The following MPDZ variants were observed in gnomAD, a reference collection of about 807,000 sequenced individuals.
MPDZ encodes multiple PDZ domain crumbs cell polarity complex component.
A neutral mutation model predicts 239.1 loss-of-function variants in MPDZ; 234 were observed. The ratio of observed to expected loss-of-function variants is 0.98; its 90% CI spans 0.88 to 1.09. The LOEUF (loss-of-function observed/expected upper bound fraction) is 1.09. Ranked by LOEUF, MPDZ falls within the 50% of genes least tolerant of loss-of-function variation. The pLI is 0.00. For missense variants in MPDZ, 3,175 were observed against 2,510.0 expected, an observed-to-expected ratio of 1.26 and a Z score of -5.66; for synonymous variants, 1,048 against 881.3, an observed-to-expected ratio of 1.19 and a Z score of -3.35.
chr9:13,137,927 A>C, intron 29 of MPDZ, 30 bp downstream of exon 29: 1 of 1,608,878 alleles, frequency 6.2e-7, no homozygotes, highest in Non-Finnish European at 8.5e-7. Flanking sequence ...TAAAACAAGA[A>C]TAAATTCAAA....
In MPDZ at chr9:13,175,067, G is replaced by A. The variant is rs1298528892; in HGVS notation, c.3055+685C>T. 2.0e-5 allele frequency among the ~76,000 whole-genome samples: 3 copies of A among 152,146 alleles called. No homozygotes were observed. The East Asian group carries it at 5.8e-4, about 29-fold the overall frequency. On this transcript the variant is annotated intron_variant, in intron 21 of 46. Transcript: ENST00000319217. ...CTTGGGCTGCATTTGGACACTCAGAGCAACTCATCTACCATTCTATTTATC... is the reference window on the plus strand; with the variant it reads ...CTTGGGCTGCATTTGGACACTCAGAACAACTCATCTACCATTCTATTTATC...
intron 3 of MPDZ, 57 bp downstream of exon 3, chr9:13,247,578 C>T: frequency 6.5e-7 from 1 of 1,538,102 alleles, no homozygotes; most frequent in South Asian, 1.2e-5. Flanking sequence ...AAAACACAAG[C>T]CTTTCACAAG....
Position 13,183,347 on chromosome 9 carries a change from A to G in MPDZ, c.2649+71T>C. The G allele has an allele frequency of 1.6e-6, 2 of 1,267,994 alleles. 1 individual carries two copies. Among genetic ancestry groups the G allele is most frequent in the Admixed American group, 5.5e-5 (2 of 36,648 alleles). 78.5% of individuals were successfully genotyped at this position (1,267,994 alleles called of 1,614,324 possible). A position where few individuals can be genotyped will look rare whatever the true frequency, so the allele number is the denominator to read the frequency against. Reference sequence around the variant, plus strand: ...CAATATGTTATTCCCACAACTCCCCATAAGGACTGAGCTCTGGAAAATTAC... The same window carrying G: ...CAATATGTTATTCCCACAACTCCCCGTAAGGACTGAGCTCTGGAAAATTAC... On this transcript the variant is annotated intron_variant, in intron 19 of 46. Transcript: ENST00000319217.
At chr9:13,249,136 A>G (rs1408573660) in intron 2 of MPDZ, among the ~76,000 whole-genome samples, 3 of 149,234 alleles carry the variant, frequency 2.0e-5, no homozygotes, top group Non-Finnish European at 4.5e-5. Flanking sequence ...ACACACACAC[A>G]CAAACTTAAA....
intron 18 of MPDZ, among the ~76,000 whole-genome samples, chr9:13,186,013 T>C (rs1367679697): frequency 3.3e-5 from 5 of 152,146 alleles, no homozygotes; most frequent in Admixed American, 2.6e-4. Flanking sequence ...CCACAAACTT[T>C]AGATATGGCA....
chr9:13,240,296 T>A (rs971420771), intron 3 of MPDZ, among the ~76,000 whole-genome samples: 2 of 151,990 alleles, frequency 1.3e-5, no homozygotes, highest in Non-Finnish European at 2.9e-5. Context: ...TCTCTCTCCA[T>A]TCCACTATTA....
At chr9:13,214,380 G>C (rs189911522) in intron 10 of MPDZ, among the ~76,000 whole-genome samples, 23 of 152,096 alleles carry the variant, frequency 1.5e-4, no homozygotes, top group Admixed American at 1.2e-3. Context: ...CAAATCCATA[G>C]AGACAGAAAG....
chr9:13,110,080 G>A lies in MPDZ; in HGVS notation c.5830-16C>T. On this transcript the variant is annotated splice_polypyrimidine_tract_variant and intron_variant, in intron 44 of 46. Coordinates refer to ENST00000319217, the MANE Select transcript of MPDZ (RefSeq NM_001378778.1). The stretch of plus-strand genomic sequence containing the variant: ...CAGCAACCACCTGCGCACAGGAGGA[G>A]GATAAACAGAAAAAACACATGTTCC... The A allele has an allele frequency of 1.3e-6, 2 of 1,590,486 alleles. No individual in the cohort carries two copies. The highest frequency in any genetic ancestry group is 1.1e-5 in the South Asian group (1 of 87,598).
rs1563978544 is a variant in MPDZ, at chr9:13,183,461, TCAC to T, written c.2603_2605del (p.Gly868del). 1 of 1,611,742 alleles carries T rather than the reference TCAC, an allele frequency of 6.2e-7. No homozygotes were observed. Among genetic ancestry groups the T allele is most frequent in the Non-Finnish European group, 8.5e-7 (1 of 1,178,850 alleles). ...AAGGGAAGAACCATAGTTCAGGCCA[TCAC>T]CACAAGAACTGCCATGAAGAGATAA... is the stretch of plus-strand genomic sequence containing the variant. On this transcript the variant is annotated inframe_deletion, in exon 19 of 47. Coordinates refer to ENST00000319217, the MANE Select transcript of MPDZ (RefSeq NM_001378778.1).
At chr9:13,131,570 G>A (rs1330983680) in intron 32 of MPDZ, among the ~76,000 whole-genome samples, 3 of 152,104 alleles carry the variant, frequency 2.0e-5, no homozygotes, top group Non-Finnish European at 2.9e-5. Flanking sequence ...GTTCTGTAGC[G>A]AGCCCTGTAG....
At chr9:13,190,585 C>T (rs1031891828) in intron 15 of MPDZ, among the ~76,000 whole-genome samples, 3 of 152,054 alleles carry the variant, frequency 2.0e-5, no homozygotes, top group African/African-American at 7.2e-5. Flanking sequence ...GCGTGACTGT[C>T]ACTTTTTTCA....
chr9:13,239,476 A>C, intron 3 of MPDZ, among the ~76,000 whole-genome samples: 1 of 152,168 alleles, frequency 6.6e-6, no homozygotes, highest in East Asian at 1.9e-4. Flanking sequence ...GCACACAGTA[A>C]GACTTTATGC....
At chr9:13,111,579 T>C (rs536268649) in intron 43 of MPDZ, among the ~76,000 whole-genome samples, 3 of 152,324 alleles carry the variant, frequency 2.0e-5, no homozygotes, top group East Asian at 3.9e-4. Context: ...AAGTTGCATA[T>C]AGTTTTATAA....
At chr9:13,188,726 A>G in intron 17 of MPDZ, 58 bp downstream of exon 17, 1 of 1,471,140 alleles carries the variant, frequency 6.8e-7, no homozygotes, top group East Asian at 2.3e-5. Flanking sequence ...CGAAAAGTAG[A>G]CCTATGAACC....
Position 13,107,250 on chromosome 9 carries a change from G to A in MPDZ, c.6067-139C>T, listed in dbSNP as rs1287190935. 1.3e-5 allele frequency: 11 copies of A among 868,252 alleles called. No homozygotes were observed. The East Asian group carries it at 1.5e-4, about 12-fold the overall frequency. The allele number at this position is 868,252 out of a possible 1,614,324, so 53.8% of individuals were successfully genotyped here. On this transcript the variant is annotated intron_variant, in intron 46 of 46. Transcript: ENST00000319217. ...TCCCAGTGCTCCATGGGTGCTCTAA[G>A]CCATTAAGCAATGATGAACATAGAC... is the stretch of plus-strand genomic sequence containing the variant.
intron 28 of MPDZ, 141 bp from the exon 29 acceptor site, chr9:13,138,294 A>C (rs1231718785): frequency 1.0e-6 from 1 of 952,584 alleles, no homozygotes; most frequent in African/African-American, 1.7e-5. Flanking sequence ...AGCTAAATAG[A>C]CTAGGCACTT....
chr9:13,267,358 G>A (rs1401071506), intron 1 of MPDZ, among the ~76,000 whole-genome samples: 1 of 152,030 alleles, frequency 6.6e-6, no homozygotes. Flanking sequence ...ATCCTACCAA[G>A]AGCTCCATAC....
intron 25 of MPDZ, among the ~76,000 whole-genome samples, chr9:13,149,017 A>T (rs929896934): frequency 2.0e-5 from 3 of 152,016 alleles, no homozygotes; most frequent in African/African-American, 7.2e-5. Context: ...TATTTAGGTC[A>T]AAGGTATTTA....
chr9:13,160,830 TTATA>T (rs58374268), intron 23 of MPDZ, among the ~76,000 whole-genome samples: 964 of 37,962 alleles, frequency 0.025, 21 homozygotes, highest in Middle Eastern at 0.12. Context: ...ATTATTAAAA[TTATA>T]TATATATATA....
Sources: gnomAD v4.1 joint callset for allele counts (sites outside exome capture counted in the v4.1 genomes callset) on GRCh38, gnomAD v4.1.1 for gene constraint, MANE v1.5 for transcripts, NCBI Gene and HGNC (gene_info 2026-07-23, HGNC 2026-07-21) for gene names.